The following MAML3 variants were observed in gnomAD, a reference collection of about 807,000 sequenced individuals.
MAML3 encodes the protein mastermind like transcriptional coactivator 3.
A neutral mutation model predicts 101.9 loss-of-function variants in MAML3; 27 were observed. That is an observed-to-expected ratio of 0.27 (90% CI 0.20 to 0.37). MAML3 has a LOEUF of 0.37. Among genes scored for constraint, MAML3 ranks in the 10% least tolerant of loss-of-function variants. MAML3 has a pLI of 1.00. For synonymous variants in MAML3, 501 were observed against 555.9 expected (o/e 0.90, Z 1.39); for missense variants, 1,316 against 1,444.9 (o/e 0.91, Z 1.45).
chr4:140,068,036 A>T (rs1278111494), intron 1 of MAML3, among the ~76,000 whole-genome samples: 1 of 152,040 alleles, frequency 6.6e-6, no homozygotes, highest in African/African-American at 2.4e-5. Flanking sequence ...TGGCAATCTT[A>T]ACCTTTCTTA....
At chr4:140,058,279 T>C (rs1430724971) in intron 1 of MAML3, among the ~76,000 whole-genome samples, 4 of 150,712 alleles carry the variant, frequency 2.7e-5, no homozygotes, top group African/African-American at 9.7e-5. Flanking sequence ...CTTTTTTTTT[T>C]AGTAGTGGGT....
chr4:139,747,297 C>G (rs35138742), intron 2 of MAML3, among the ~76,000 whole-genome samples: 1 of 152,134 alleles, frequency 6.6e-6, no homozygotes, highest in Non-Finnish European at 1.5e-5. Context: ...GTGCAGAGCG[C>G]GGGCAACTTT....
intron 1 of MAML3, among the ~76,000 whole-genome samples, chr4:139,974,538 C>A (rs898221675): frequency 2.0e-5 from 3 of 152,106 alleles, no homozygotes; most frequent in Non-Finnish European, 4.4e-5. Flanking sequence ...GCAGTGTACA[C>A]ATTAAACAGC....
At chr4:139,981,988 A>T (rs1734452832) in intron 1 of MAML3, among the ~76,000 whole-genome samples, 1 of 152,006 alleles carries the variant, frequency 6.6e-6, no homozygotes, top group Admixed American at 6.6e-5. Context: ...TTGTAAAGTG[A>T]CTCCTTCTTT....
chr4:139,752,998 A>G lies in MAML3; in HGVS notation c.2080-22331T>C, dbSNP rs561963308. Among the ~76,000 whole-genome samples, 24 of 152,314 alleles carry G rather than the reference A, an allele frequency of 1.6e-4. No individual in the cohort carries two copies. In the South Asian group the frequency reaches 5.0e-3, roughly 32 times the overall value. On this transcript the variant is annotated intron_variant, in intron 2 of 4. Transcript: ENST00000509479. The stretch of plus-strand genomic sequence containing the variant: ...GGTCAAGATAATAGGAGGATACAAT[A>G]CAGACCTGAAGAATTTATTCTTCCT...
intron 1 of MAML3, among the ~76,000 whole-genome samples, chr4:139,894,510 A>AG: frequency 7.2e-6 from 1 of 138,180 alleles, no homozygotes; most frequent in Non-Finnish European, 1.6e-5. Context: ...CTCCATCTTA[A>AG]AAAAGAAAGA....
chr4:139,874,805 CTTTT>C (rs35089838), intron 2 of MAML3, among the ~76,000 whole-genome samples: 2 of 133,114 alleles, frequency 1.5e-5, no homozygotes, highest in Non-Finnish European at 1.6e-5. Flanking sequence ...CCTATCTTTC[CTTTT>C]TTTTTTTTTT....
intron 1 of MAML3, among the ~76,000 whole-genome samples, chr4:140,016,824 C>A (rs144595340): frequency 3.3e-5 from 5 of 152,150 alleles, no homozygotes; most frequent in African/African-American, 1.2e-4. Context: ...AAACGGATCA[C>A]AAACTTAAAT....
intron 1 of MAML3, among the ~76,000 whole-genome samples, chr4:139,904,496 G>A (rs1732783554): frequency 6.6e-6 from 1 of 152,204 alleles, no homozygotes; most frequent in South Asian, 2.1e-4. Flanking sequence ...CAAAGACAGT[G>A]TCGTTTGCAG....
chr4:139,843,570 A>G (rs919653553), intron 2 of MAML3, among the ~76,000 whole-genome samples: 3 of 152,172 alleles, frequency 2.0e-5, no homozygotes, highest in Non-Finnish European at 4.4e-5. Context: ...AATCTAGCCC[A>G]TATTTTCCCT....
intron 1 of MAML3, among the ~76,000 whole-genome samples, chr4:140,034,973 A>C (rs1411335223): frequency 6.6e-6 from 1 of 152,132 alleles, no homozygotes; most frequent in Admixed American, 6.5e-5. Flanking sequence ...ATATGAACCA[A>C]GGAAGTTCTT....
At chr4:140,119,277 C>T (rs77156176) in intron 1 of MAML3, among the ~76,000 whole-genome samples, 3,288 of 152,196 alleles carry the variant, frequency 0.022, 132 homozygotes, top group African/African-American at 0.074. Flanking sequence ...TTAATAGGTG[C>T]GCTTGAAATG....
chr4:139,833,504 G>A (rs918487647), intron 2 of MAML3, among the ~76,000 whole-genome samples: 13 of 151,796 alleles, frequency 8.6e-5, no homozygotes, highest in African/African-American at 1.2e-4. Flanking sequence ...GAGGAAGAAG[G>A]GGGGCAGCCA....
chr4:140,105,917 T>C (rs1305337756), intron 1 of MAML3, among the ~76,000 whole-genome samples: 2 of 152,106 alleles, frequency 1.3e-5, no homozygotes, highest in Non-Finnish European at 2.9e-5. Context: ...GAGGTGGCTA[T>C]AGCTTTCCAA....
chr4:139,992,164 T>C (rs370524524), intron 1 of MAML3, among the ~76,000 whole-genome samples: 6 of 152,214 alleles, frequency 3.9e-5, no homozygotes, highest in Admixed American at 6.5e-5. Flanking sequence ...GGTATCCATC[T>C]TGTAGCAGGC....
intron 1 of MAML3, among the ~76,000 whole-genome samples, chr4:140,145,878 C>CTTTTTTCTT (rs1553981313): frequency 2.8e-5 from 3 of 108,476 alleles, no homozygotes. Flanking sequence ...TTTCTTTTTT[C>CTTTTTTCTT]TTTTTTTTTT....
At chr4:140,078,417 G>A (rs566725138) in intron 1 of MAML3, among the ~76,000 whole-genome samples, 1 of 152,278 alleles carries the variant, frequency 6.6e-6, no homozygotes, top group South Asian at 2.1e-4. Context: ...CTCCCACACA[G>A]AGCTTTGAGG....
chr4:139,749,891 C>T (rs1368432228), intron 2 of MAML3, among the ~76,000 whole-genome samples: 4 of 132,146 alleles, frequency 3.0e-5, no homozygotes, highest in African/African-American at 9.0e-5. Flanking sequence ...AAGAACCCCC[C>T]CCCACCCTAT....
intron 1 of MAML3, among the ~76,000 whole-genome samples, chr4:139,915,471 C>T (rs1218217189): frequency 2.0e-5 from 3 of 152,198 alleles, no homozygotes; most frequent in Non-Finnish European, 4.4e-5. Context: ...TCAGACAGAG[C>T]CTCATAGAAC....
Sources: allele counts gnomAD v4.1 joint callset (sites outside exome capture counted in the v4.1 genomes callset), GRCh38; gene constraint gnomAD v4.1.1; transcripts MANE v1.5; gene names NCBI Gene and HGNC (gene_info 2026-07-23, HGNC 2026-07-21).